Variants in VKORC1L1 observed in about 807,000 individuals in gnomAD.
The protein encoded by VKORC1L1 is vitamin K epoxide reductase complex subunit 1L1.
VKORC1L1 carries 2 observed loss-of-function variants against 18.9 expected under a neutral mutation model. The observed-to-expected ratio is 0.11, with a 90% CI of 0.04 to 0.33. The LOEUF (loss-of-function observed/expected upper bound fraction) is 0.33. Among genes scored for constraint, VKORC1L1 ranks in the 10% least tolerant of loss-of-function variants. The pLI is 1.00. For missense variants in VKORC1L1, 123 were observed against 224.1 expected (o/e 0.55, Z 2.88); for synonymous variants, 96 against 100.0 (o/e 0.96, Z 0.24).
At position 65,954,438 on chromosome 7, in the gene VKORC1L1, TC is replaced by T; in HGVS notation, c.*140del. ...AGAATCTCAAACTGATTTTTAAAAA[TC>T]CGGTAAATTAGAAGGGGCCCTCGCT... On this transcript the variant is annotated 3_prime_UTR_variant, in exon 3 of 3. Transcript: ENST00000360768. The T allele has an allele frequency of 7.4e-7, 1 of 1,359,130 alleles. No homozygotes were observed. The highest frequency in any genetic ancestry group is 9.6e-7 in the Non-Finnish European group (1 of 1,043,550). 84.2% of individuals were successfully genotyped at this position (1,359,130 alleles called of 1,614,324 possible).
chr7:65,921,221 T>G lies in VKORC1L1; in HGVS notation c.195-27450T>G, dbSNP rs375220452. ...TTTTTAGTAGGCATTTTATAGACCT[T>G]TTATATGTTCAATTTAATTATGAAT... On this transcript the variant is annotated intron_variant, in intron 1 of 2. Coordinates refer to ENST00000360768, the MANE Select transcript of VKORC1L1 (RefSeq NM_173517.6). Among the ~76,000 whole-genome samples the G allele has an allele frequency of 7.0e-4, 106 of 152,304 alleles. 1 individual carries two copies. The highest frequency in any genetic ancestry group is 2.5e-3 in the African/African-American group (103 of 41,564).
At chr7:65,905,207 C>T (rs1293837800) in intron 1 of VKORC1L1, among the ~76,000 whole-genome samples, 1 of 152,248 alleles carries the variant, frequency 6.6e-6, no homozygotes, top group African/African-American at 2.4e-5. Context: ...TTGAAAACAG[C>T]TTTTAATGTC....
upstream of VKORC1L1, among the ~76,000 whole-genome samples, chr7:65,870,851 G>C (rs1788717612): frequency 6.6e-6 from 1 of 152,090 alleles, no homozygotes; most frequent in African/African-American, 2.4e-5. Context: ...GGCAACGTTG[G>C]CTCATTGCAG....
At chr7:65,914,196 C>A (rs1436054482) in intron 1 of VKORC1L1, among the ~76,000 whole-genome samples, 1 of 152,140 alleles carries the variant, frequency 6.6e-6, no homozygotes, top group African/African-American at 2.4e-5. Context: ...TGGGCTCAAG[C>A]GATCCTCCCA....
chr7:65,951,583 A>AAT (rs1554302351), intron 2 of VKORC1L1, among the ~76,000 whole-genome samples: 60 of 150,462 alleles, frequency 4.0e-4, no homozygotes, highest in African/African-American at 1.2e-3. Flanking sequence ...GGAAAAAAAA[A>AAT]ATATATATAT....
chr7:65,948,907 G>A lies in VKORC1L1; in HGVS notation c.304+127G>A, dbSNP rs1790165244. ...AACCACTAGCGTGTACAACATTTTT[G>A]TGTTATGAAAACTTGATTCACTGAG... On this transcript the variant is annotated intron_variant, in intron 2 of 2. Coordinates refer to ENST00000360768, the MANE Select transcript of VKORC1L1 (RefSeq NM_173517.6). 5 of 1,229,446 alleles carry A rather than the reference G, an allele frequency of 4.1e-6. No individual in the cohort carries two copies. In the South Asian group the frequency reaches 7.7e-5, roughly 19 times the overall value. 76.2% of individuals were successfully genotyped at this position (1,229,446 alleles called of 1,614,324 possible).
At chr7:65,883,270 T>A (rs897691752) in intron 1 of VKORC1L1, among the ~76,000 whole-genome samples, 1 of 150,826 alleles carries the variant, frequency 6.6e-6, no homozygotes, top group African/African-American at 2.4e-5. Context: ...GCCTCCTGAG[T>A]AGCTGGAACT....
intron 1 of VKORC1L1, among the ~76,000 whole-genome samples, chr7:65,932,016 T>G (rs1789866230): frequency 6.6e-6 from 1 of 152,220 alleles, no homozygotes; most frequent in African/African-American, 2.4e-5. Context: ...TTTTCTGTTT[T>G]AAATTTCATT....
chr7:65,875,786 A>G lies in VKORC1L1; in HGVS notation c.194+2221A>G, dbSNP rs185057023. ...TAGTTTTTTTTGAGTGGTGATTGCCATGTAGCAGTAGTACTCAAATATGTG... is the reference window on the plus strand; with the variant it reads ...TAGTTTTTTTTGAGTGGTGATTGCCGTGTAGCAGTAGTACTCAAATATGTG... On this transcript the variant is annotated intron_variant, in intron 1 of 2. Transcript: ENST00000360768. 1.9e-3 allele frequency among the ~76,000 whole-genome samples: 285 copies of G among 152,312 alleles called. 3 individuals carry two copies. Among genetic ancestry groups the G allele is most frequent in the African/African-American group, 6.7e-3 (278 of 41,576 alleles).
At chr7:65,920,335 C>T (rs181579221) in intron 1 of VKORC1L1, among the ~76,000 whole-genome samples, 5 of 152,226 alleles carry the variant, frequency 3.3e-5, no homozygotes, top group Admixed American at 2.0e-4. Context: ...TCACCTGATA[C>T]CATGCCCGAC....
intron 1 of VKORC1L1, among the ~76,000 whole-genome samples, chr7:65,924,130 G>A (rs937525151): frequency 6.6e-6 from 1 of 152,162 alleles, no homozygotes; most frequent in Non-Finnish European, 1.5e-5. Context: ...GCCGGGGTAG[G>A]CTTCCCAGTA....
At chr7:65,883,985 T>G (rs1244722091) in intron 1 of VKORC1L1, among the ~76,000 whole-genome samples, 1 of 152,208 alleles carries the variant, frequency 6.6e-6, no homozygotes, top group Non-Finnish European at 1.5e-5. Context: ...TCATCGTATT[T>G]GAGAAGTAAA....
chr7:65,871,449 C>T (rs1788724921), upstream of VKORC1L1, among the ~76,000 whole-genome samples: 4 of 152,118 alleles, frequency 2.6e-5, no homozygotes, highest in East Asian at 3.9e-4. Context: ...CCCACCTCGG[C>T]CTCCCAAAAT....
At chr7:65,935,736 G>A (rs891106668) in intron 1 of VKORC1L1, among the ~76,000 whole-genome samples, 7 of 152,154 alleles carry the variant, frequency 4.6e-5, no homozygotes, top group Non-Finnish European at 7.3e-5. Flanking sequence ...TGGTTATGAT[G>A]TGTCTGGGTG....
At chr7:65,949,895 T>A (rs1790185085) in intron 2 of VKORC1L1, among the ~76,000 whole-genome samples, 1 of 152,356 alleles carries the variant, frequency 6.6e-6, no homozygotes, top group South Asian at 2.1e-4. Flanking sequence ...GCTGCAGTGA[T>A]CAACTTTGTT....
At chr7:65,883,136 CTTTT>C (rs34906605) in intron 1 of VKORC1L1, among the ~76,000 whole-genome samples, 1 of 109,622 alleles carries the variant, frequency 9.1e-6, no homozygotes, top group East Asian at 2.4e-4. Flanking sequence ...TACATTTGAG[CTTTT>C]TTTTTTTTTT....
At chr7:65,949,640 C>T (rs1323667399) in intron 2 of VKORC1L1, among the ~76,000 whole-genome samples, 1 of 151,562 alleles carries the variant, frequency 6.6e-6, no homozygotes, top group Non-Finnish European at 1.5e-5. Context: ...AAAAATTAGC[C>T]AGGTGTGGTG....
intron 1 of VKORC1L1, among the ~76,000 whole-genome samples, chr7:65,919,736 T>C (rs950027744): frequency 6.6e-6 from 1 of 152,198 alleles, no homozygotes; most frequent in Non-Finnish European, 1.5e-5. Flanking sequence ...TTTTCAATAC[T>C]ACAGCCAGAG....
At chr7:65,892,844 C>G (rs1489406306) in intron 1 of VKORC1L1, among the ~76,000 whole-genome samples, 1 of 152,170 alleles carries the variant, frequency 6.6e-6, no homozygotes, top group African/African-American at 2.4e-5. Flanking sequence ...TCCCAGTGAC[C>G]CATTGTCTTA....
Sources: gnomAD v4.1 joint callset for allele counts (sites outside exome capture counted in the v4.1 genomes callset) on GRCh38, gnomAD v4.1.1 for gene constraint, MANE v1.5 for transcripts, NCBI Gene and HGNC (gene_info 2026-07-23, HGNC 2026-07-21) for gene names.